Variants in ITPK1 observed in about 807,000 individuals in gnomAD.
The protein encoded by ITPK1 is inositol 1,3,4-trisphosphate 5/6-kinase.
ITPK1 carries 21 observed loss-of-function variants against 45.3 expected under a neutral mutation model. The observed-to-expected ratio is 0.46, with a 90% CI of 0.33 to 0.67. ITPK1 has a LOEUF of 0.67. Among genes scored for constraint, ITPK1 ranks in the 30% least tolerant of loss-of-function variants. The probability of loss-of-function intolerance (pLI) is 0.02; values close to 1 mark genes in which losing one functional copy is unlikely to be tolerated. For missense variants in ITPK1, 474 were observed against 573.5 expected, an observed-to-expected ratio of 0.83 and a Z score of 1.77; for synonymous variants, 258 against 253.6, an observed-to-expected ratio of 1.02 and a Z score of -0.16.
In ITPK1 at chr14:93,109,328, G is replaced by A. The variant is rs9944132; in HGVS notation, c.95+5741C>T. 7.0e-3 allele frequency among the ~76,000 whole-genome samples: 1,063 copies of A among 152,308 alleles called. 13 individuals carry two copies. The highest frequency in any genetic ancestry group is 0.024 in the African/African-American group (1,018 of 41,562). ...CATATGGAGAGACCTACACGTGCAC[G>A]CGCCCCTGAGTGTGCATAAACACCT... is the stretch of plus-strand genomic sequence containing the variant. On this transcript the variant is annotated intron_variant, in intron 2 of 10. Coordinates refer to ENST00000267615, the MANE Select transcript of ITPK1 (RefSeq NM_014216.6).
At chr14:92,954,378 A>G (rs912260617) in intron 8 of ITPK1, among the ~76,000 whole-genome samples, 1 of 152,228 alleles carries the variant, frequency 6.6e-6, no homozygotes, top group Admixed American at 6.5e-5. Flanking sequence ...GTGAGAAGGC[A>G]TCAGGGAAAG....
At chr14:92,967,539 T>A (rs1389674454) in intron 5 of ITPK1, among the ~76,000 whole-genome samples, 1 of 152,220 alleles carries the variant, frequency 6.6e-6, no homozygotes, top group Non-Finnish European at 1.5e-5. Flanking sequence ...AGTGACCATA[T>A]GATCCAGCAA....
rs59713669 is a variant in ITPK1 at position 92,939,304 on chromosome 14, C to T, written c.*2257G>A. 9,586 of 152,358 alleles carry T rather than the reference C, an allele frequency of 0.063. 435 individuals carry two copies. The highest frequency in any genetic ancestry group is 0.24 in the East Asian group (1,242 of 5,178). 9.4% of individuals were successfully genotyped at this position (152,358 alleles called of 1,614,324 possible). ...CAATGTGACCGAAGGGGAGACAACTCTATGGACACTGTCCAGGGATCAAAG... is the reference window on the plus strand; with the variant it reads ...CAATGTGACCGAAGGGGAGACAACTTTATGGACACTGTCCAGGGATCAAAG... On this transcript the variant is annotated 3_prime_UTR_variant, in exon 11 of 11. Transcript: ENST00000267615.
intron 2 of ITPK1, among the ~76,000 whole-genome samples, chr14:93,083,902 T>G (rs1891545508): frequency 6.6e-6 from 1 of 152,202 alleles, no homozygotes. Flanking sequence ...GAAAGGCTGC[T>G]GGACTCCATT....
intron 2 of ITPK1, among the ~76,000 whole-genome samples, chr14:93,101,910 C>T (rs920693223): frequency 6.6e-6 from 1 of 152,210 alleles, no homozygotes; most frequent in African/African-American, 2.4e-5. Context: ...CACATACGGA[C>T]TGACAGCTTC....
chr14:93,011,512 G>A (rs887026436), intron 4 of ITPK1, among the ~76,000 whole-genome samples: 2 of 152,176 alleles, frequency 1.3e-5, no homozygotes, highest in Non-Finnish European at 1.5e-5. Context: ...ATTCTCTTCC[G>A]GCATCCTTCG....
chr14:92,995,769 G>A (rs561943083), intron 4 of ITPK1, among the ~76,000 whole-genome samples: 8 of 152,328 alleles, frequency 5.3e-5, no homozygotes, highest in East Asian at 1.9e-4. Context: ...GCACTGATGC[G>A]GGAGAGCCCA....
chr14:92,966,106 C>T (rs759779297), intron 5 of ITPK1, among the ~76,000 whole-genome samples: 6 of 152,224 alleles, frequency 3.9e-5, no homozygotes, highest in Non-Finnish European at 5.9e-5. Flanking sequence ...GCCTCAAACT[C>T]CCAGGCTCAA....
rs947129428 is a variant in ITPK1 at position 93,081,195 on chromosome 14, A to C, written c.96-4576T>G. Among the ~76,000 whole-genome samples the C allele has an allele frequency of 2.0e-5, 3 of 151,852 alleles. No homozygotes were observed. In the East Asian group the frequency reaches 5.9e-4, roughly 30 times the overall value. ...ATAAGAATATAAAAATTAGCTGGGCATAACAGCAGGTGCCTGTAATCCCAG... is the reference window on the plus strand; with the variant it reads ...ATAAGAATATAAAAATTAGCTGGGCCTAACAGCAGGTGCCTGTAATCCCAG... On this transcript the variant is annotated intron_variant, in intron 2 of 10. Transcript: ENST00000267615.
At chr14:93,062,407 G>A (rs1283657072) in intron 3 of ITPK1, among the ~76,000 whole-genome samples, 4 of 152,000 alleles carry the variant, frequency 2.6e-5, no homozygotes, top group Non-Finnish European at 5.9e-5. Flanking sequence ...TCCAGCCTGA[G>A]TGACAGAGCA....
intron 3 of ITPK1, among the ~76,000 whole-genome samples, chr14:93,073,354 G>A (rs769666814): frequency 5.2e-4 from 79 of 152,164 alleles, no homozygotes; most frequent in Non-Finnish European, 1.1e-3. Flanking sequence ...AAGGGCTCCC[G>A]AGCTCCTCAG....
At chr14:93,090,273 C>T (rs1235111764) in intron 2 of ITPK1, among the ~76,000 whole-genome samples, 2 of 152,164 alleles carry the variant, frequency 1.3e-5, no homozygotes, top group Non-Finnish European at 2.9e-5. Flanking sequence ...CCATGCTGTC[C>T]GCCCCTGGAA....
chr14:93,074,630 G>A (rs1422655050), intron 3 of ITPK1, among the ~76,000 whole-genome samples: 3 of 152,198 alleles, frequency 2.0e-5, no homozygotes, highest in African/African-American at 7.2e-5. Context: ...AAGTGGCTGG[G>A]CGGAACCACA....
At chr14:93,037,566 G>A (rs950829651) in intron 3 of ITPK1, among the ~76,000 whole-genome samples, 4 of 152,038 alleles carry the variant, frequency 2.6e-5, no homozygotes, top group Admixed American at 1.3e-4. Flanking sequence ...ACTTCACAAC[G>A]GGAGTCCAAG....
intron 3 of ITPK1, chr14:93,071,977 G>A (rs1467965140): frequency 6.6e-6 from 1 of 151,952 alleles, no homozygotes; most frequent in Non-Finnish European, 1.5e-5. Context: ...TTGCAAAATT[G>A]TATAAGAAAT....
chr14:92,972,168 G>C (rs888710761), intron 5 of ITPK1, among the ~76,000 whole-genome samples: 1 of 152,204 alleles, frequency 6.6e-6, no homozygotes, highest in African/African-American at 2.4e-5. Flanking sequence ...CGCGAGTGAA[G>C]CCCACAGCCT....
chr14:93,099,018 G>C (rs1892201268), intron 2 of ITPK1, among the ~76,000 whole-genome samples: 1 of 152,170 alleles, frequency 6.6e-6, no homozygotes. Context: ...CAGCCCCTTT[G>C]CCCGGGGCCC....
intron 2 of ITPK1, among the ~76,000 whole-genome samples, chr14:93,110,443 T>C (rs1892705810): frequency 6.6e-6 from 1 of 152,176 alleles, no homozygotes; most frequent in Admixed American, 6.5e-5. Context: ...CCCGAAAGAA[T>C]TCCAGACCAG....
chr14:93,110,590 G>A (rs529519718), intron 2 of ITPK1, among the ~76,000 whole-genome samples: 1 of 152,224 alleles, frequency 6.6e-6, no homozygotes, highest in Non-Finnish European at 1.5e-5. Context: ...CCAGTTTACT[G>A]TTGACACCAA....
Sources: allele counts gnomAD v4.1 joint callset (sites outside exome capture counted in the v4.1 genomes callset), GRCh38; gene constraint gnomAD v4.1.1; transcripts MANE v1.5; gene names NCBI Gene and HGNC (gene_info 2026-07-23, HGNC 2026-07-21).